SLIT2: variants seen among roughly 807,000 people sequenced by gnomAD.
The protein encoded by SLIT2 is slit guidance ligand 2.
Under a neutral mutation model 185.7 loss-of-function variants are expected in SLIT2, and 41 were observed. The observed-to-expected ratio is 0.22, with a 90% CI of 0.17 to 0.29. The LOEUF (loss-of-function observed/expected upper bound fraction) is 0.29, where lower values mean the gene tolerates loss of function less well. Ranked by LOEUF, SLIT2 falls within the 10% of genes least tolerant of loss-of-function variation. SLIT2 has a pLI of 1.00. For synonymous variants in SLIT2, 693 were observed against 680.2 expected (o/e 1.02, Z -0.29); for missense variants, 1,571 against 1,909.0 (o/e 0.82, Z 3.30).
chr4:20,397,898 G>C (rs909821041), intron 4 of SLIT2, among the ~76,000 whole-genome samples: 1 of 151,800 alleles, frequency 6.6e-6, no homozygotes, highest in African/African-American at 2.4e-5. Context: ...GCTAAGTAGA[G>C]GGAGAAGTCA....
chr4:20,569,302 A>G (rs942178022), intron 29 of SLIT2: 5 of 351,310 alleles, frequency 1.4e-5, no homozygotes, highest in Non-Finnish European at 2.7e-5. Context: ...TTTTGTGCAA[A>G]CCATTTTCCC....
At chr4:20,455,689 G>C (rs1374179454) in intron 4 of SLIT2, among the ~76,000 whole-genome samples, 2 of 151,924 alleles carry the variant, frequency 1.3e-5, no homozygotes, top group Non-Finnish European at 2.9e-5. Context: ...CTTTTTTGGG[G>C]GGGTAATGAA....
intron 19 of SLIT2, 141 bp downstream of exon 19, chr4:20,539,725 A>C: frequency 2.1e-6 from 1 of 487,750 alleles, no homozygotes; most frequent in Non-Finnish European, 3.3e-6. Flanking sequence ...TTCACATCAA[A>C]TTTATTTAAA....
intron 29 of SLIT2, among the ~76,000 whole-genome samples, chr4:20,585,165 A>G (rs1560216029): frequency 6.6e-6 from 1 of 152,236 alleles, no homozygotes; most frequent in Non-Finnish European, 1.5e-5. Context: ...GCATTCGCAG[A>G]TATTGGTTAC....
rs894934290 is a variant in SLIT2, at chr4:20,254,606, GC to G, written c.179+618del. ...GCATAGTAGCCTCGCGCAGCCCCCC[GC>G]CCCCCACTTCTCCGGGGAGGGGAAG... On this transcript the variant is annotated intron_variant, in intron 1 of 36. Coordinates refer to ENST00000504154, the MANE Select transcript of SLIT2 (RefSeq NM_004787.4). The surrounding 1 kb of genome is among the most constrained non-coding windows in gnomAD (Gnocchi z 5.1). 7.9e-5 allele frequency among the ~76,000 whole-genome samples: 12 copies of G among 152,036 alleles called. No individual in the cohort carries two copies. The highest frequency in any genetic ancestry group is 1.8e-4 in the Non-Finnish European group (12 of 67,994).
intron 13 of SLIT2, 46 bp from the exon 14 acceptor site, chr4:20,523,968 T>C: frequency 6.2e-7 from 1 of 1,612,012 alleles, no homozygotes; most frequent in Non-Finnish European, 8.5e-7. Flanking sequence ...AAGAGCTGAG[T>C]CCATTGCAAG....
At chr4:20,404,513 T>C (rs978373078) in intron 4 of SLIT2, among the ~76,000 whole-genome samples, 7 of 152,000 alleles carry the variant, frequency 4.6e-5, no homozygotes, top group African/African-American at 1.7e-4. Context: ...CTTGGAAAAG[T>C]GCCTAGCACA....
chr4:20,302,657 G>C (rs1717164991), intron 4 of SLIT2, among the ~76,000 whole-genome samples: 1 of 152,182 alleles, frequency 6.6e-6, no homozygotes, highest in South Asian at 2.1e-4. Context: ...AGGTTAAGGA[G>C]AGGGTGTAAC....
intron 3 of SLIT2, among the ~76,000 whole-genome samples, chr4:20,265,487 A>G (rs762431340): frequency 1.3e-5 from 2 of 151,912 alleles, no homozygotes; most frequent in African/African-American, 2.4e-5. Flanking sequence ...TATCCATATT[A>G]CCACATTACT....
intron 5 of SLIT2, 45 bp from the exon 6 acceptor site, chr4:20,480,671 T>A: frequency 6.9e-7 from 1 of 1,458,322 alleles, no homozygotes; most frequent in Middle Eastern, 1.7e-4. Flanking sequence ...CTACCCCAGC[T>A]ACTGTCCATC....
chr4:20,333,568 A>G (rs1577450040), intron 4 of SLIT2, among the ~76,000 whole-genome samples: 1 of 152,152 alleles, frequency 6.6e-6, no homozygotes, highest in African/African-American at 2.4e-5. Flanking sequence ...TGTTCTGAAT[A>G]ACTCTGAACC....
At chr4:20,413,731 C>G (rs1727437200) in intron 4 of SLIT2, among the ~76,000 whole-genome samples, 1 of 152,046 alleles carries the variant, frequency 6.6e-6, no homozygotes, top group African/African-American at 2.4e-5. Context: ...ATTACTCCAG[C>G]TTTCCTATGG....
chr4:20,550,782 G>A, intron 24 of SLIT2, 45 bp from the exon 25 acceptor site: 1 of 1,230,568 alleles, frequency 8.1e-7, no homozygotes, highest in African/African-American at 1.5e-5. Flanking sequence ...GAGTCTATGA[G>A]TTCAGAAATA....
chr4:20,434,891 T>C (rs1729245164), intron 4 of SLIT2, among the ~76,000 whole-genome samples: 1 of 152,132 alleles, frequency 6.6e-6, no homozygotes, highest in African/African-American at 2.4e-5. Context: ...ATTCCAAAAA[T>C]TGAGAACATA....
intron 3 of SLIT2, among the ~76,000 whole-genome samples, chr4:20,262,224 T>C (rs1004993270): frequency 7.9e-5 from 12 of 151,840 alleles, no homozygotes; most frequent in African/African-American, 2.9e-4. Context: ...AATTTATTTT[T>C]TTTAAGGTGA....
chr4:20,486,179 C>G, intron 6 of SLIT2, 21 bp from the exon 7 acceptor site: 1 of 1,508,906 alleles, frequency 6.6e-7, no homozygotes, highest in Non-Finnish European at 9.2e-7. Context: ...AAAATTCTAA[C>G]TTTTCTTTTT....
At chr4:20,550,987 A>G (rs1723698008) in intron 25 of SLIT2, 89 bp downstream of exon 25, 1 of 708,712 alleles carries the variant, frequency 1.4e-6, no homozygotes, top group African/African-American at 1.8e-5. Context: ...ATTTTACTGT[A>G]ACATCATAAG....
intron 4 of SLIT2, among the ~76,000 whole-genome samples, chr4:20,310,281 T>A (rs959826157): frequency 2.6e-5 from 4 of 152,232 alleles, no homozygotes. Context: ...TCTCTGTCTC[T>A]TTTTACTATC....
At chr4:20,479,228 T>G (rs1453057996) in intron 5 of SLIT2, among the ~76,000 whole-genome samples, 1 of 152,186 alleles carries the variant, frequency 6.6e-6, no homozygotes, top group East Asian at 1.9e-4. Context: ...GTGTATTTCA[T>G]GAGACATTGT....
Sources: allele counts gnomAD v4.1 joint callset (sites outside exome capture counted in the v4.1 genomes callset), GRCh38; gene constraint gnomAD v4.1.1; non-coding constraint Gnocchi (gnomAD v3.1); transcripts MANE v1.5; gene names NCBI Gene and HGNC (gene_info 2026-07-23, HGNC 2026-07-21).